The following SCN11A variants were observed in gnomAD, a reference collection of about 807,000 sequenced individuals.
SCN11A encodes the protein sodium channel protein type 11 subunit alpha.
In SCN11A, 122 loss-of-function variants were observed where a neutral mutation model predicts 162.2. That is an observed-to-expected ratio of 0.75 (90% CI 0.65 to 0.87). The LOEUF (loss-of-function observed/expected upper bound fraction) is 0.87. Among genes scored for constraint, SCN11A ranks in the 40% least tolerant of loss-of-function variants. The pLI is 0.00. For synonymous variants in SCN11A, 758 were observed against 751.5 expected, an observed-to-expected ratio of 1.01 and a Z score of -0.14; for missense variants, 2,015 against 2,181.6, an observed-to-expected ratio of 0.92 and a Z score of 1.52.
chr3:38,997,462 C>T (rs1344725955), intron 2 of SCN11A, among the ~76,000 whole-genome samples: 2 of 152,232 alleles, frequency 1.3e-5, no homozygotes, highest in East Asian at 3.8e-4. Flanking sequence ...AAATTATAAT[C>T]CACAAAGAAA....
chr3:38,947,408 GCT>G (rs747664035), intron 5 of SCN11A, among the ~76,000 whole-genome samples: 4 of 152,140 alleles, frequency 2.6e-5, no homozygotes, highest in Non-Finnish European at 4.4e-5. Flanking sequence ...TCCTGGATTT[GCT>G]CTTTCTTTAC....
chr3:38,953,152 C>G (rs1416152872), intron 4 of SCN11A, among the ~76,000 whole-genome samples: 1 of 151,970 alleles, frequency 6.6e-6, no homozygotes, highest in Non-Finnish European at 1.5e-5. Flanking sequence ...CAAACTAACT[C>G]AGGAACAGGA....
chr3:39,049,582 G>A (rs886284316), intron 1 of SCN11A, among the ~76,000 whole-genome samples: 2 of 152,190 alleles, frequency 1.3e-5, no homozygotes, highest in Non-Finnish European at 2.9e-5. Context: ...CAGAGCATGG[G>A]GTATTGGTCA....
In SCN11A at chr3:38,984,987, G is replaced by A. The variant is rs572922903; in HGVS notation, c.-279-24564C>T. On this transcript the variant is annotated intron_variant, in intron 2 of 29. Transcript: ENST00000302328. ...GCATAGTAGGAGATGAGGCAGAGATGTAGGCAGGGGCTGGATTATGTATGG... is the reference window on the plus strand; with the variant it reads ...GCATAGTAGGAGATGAGGCAGAGATATAGGCAGGGGCTGGATTATGTATGG... Among the ~76,000 whole-genome samples, 61 of 151,272 alleles carry A rather than the reference G, an allele frequency of 4.0e-4. 1 individual carries two copies. The highest frequency in any genetic ancestry group is 5.2e-4 in the Admixed American group (8 of 15,276).
chr3:38,887,107 C>T (rs893190173), intron 19 of SCN11A, among the ~76,000 whole-genome samples: 23 of 152,238 alleles, frequency 1.5e-4, no homozygotes, highest in African/African-American at 3.9e-4. Context: ...TTTTTAAGTA[C>T]ACGCCATGTT....
intron 2 of SCN11A, among the ~76,000 whole-genome samples, chr3:38,978,830 G>C (rs987090429): frequency 1.3e-5 from 2 of 152,076 alleles, no homozygotes; most frequent in African/African-American, 4.8e-5. Context: ...TCTCTGCCTT[G>C]CCCTTCCACA....
At chr3:38,862,179 A>G (rs978020653) in intron 28 of SCN11A, among the ~76,000 whole-genome samples, 1 of 152,206 alleles carries the variant, frequency 6.6e-6, no homozygotes, top group African/African-American at 2.4e-5. Flanking sequence ...AATTAAAACC[A>G]CAATGGGATG....
At chr3:38,852,551 C>T (rs2064800143) in intron 28 of SCN11A, among the ~76,000 whole-genome samples, 1 of 152,088 alleles carries the variant, frequency 6.6e-6, no homozygotes, top group Admixed American at 6.6e-5. Flanking sequence ...ACTCCTATAC[C>T]TCAGTATGAA....
intron 2 of SCN11A, among the ~76,000 whole-genome samples, chr3:38,981,570 T>TGTGTGTGTGTGTG (rs2030060172): frequency 1.3e-5 from 2 of 151,418 alleles, no homozygotes; most frequent in Non-Finnish European, 1.5e-5. Flanking sequence ...TGTGTGTGTA[T>TGTGTGTGTGTGTG]TCCTCATCCG....
At chr3:39,034,265 G>T (rs1237394354) in intron 1 of SCN11A, among the ~76,000 whole-genome samples, 1 of 152,118 alleles carries the variant, frequency 6.6e-6, no homozygotes, top group African/African-American at 2.4e-5. Flanking sequence ...TGACCAAGTG[G>T]AATTCAGCCC....
intron 1 of SCN11A, among the ~76,000 whole-genome samples, chr3:39,036,577 C>T (rs551155185): frequency 2.3e-4 from 35 of 152,008 alleles, no homozygotes; most frequent in East Asian, 3.9e-4. Flanking sequence ...ATACATAGAA[C>T]GGGAAAAAAT....
chr3:38,967,332 T>A (rs1348375733), intron 2 of SCN11A, among the ~76,000 whole-genome samples: 1 of 152,226 alleles, frequency 6.6e-6, no homozygotes, highest in Non-Finnish European at 1.5e-5. Context: ...GCAAGTTTTG[T>A]CTTGCTGTCT....
rs1316476025 is a variant in SCN11A, at chr3:38,896,932, A to G, written c.2316T>C (p.Asn772=). The G allele has an allele frequency of 2.5e-6, 4 of 1,613,642 alleles. No homozygotes were observed. The highest frequency in any genetic ancestry group is 3.4e-6 in the Non-Finnish European group (4 of 1,179,988). Residue 772 remains asparagine, a synonymous_variant, in exon 18 of 30, where the codon AAT becomes AAC. Coordinates refer to ENST00000302328, the MANE Select transcript of SCN11A (RefSeq NM_001349253.2). ...TCGCTTCTTGCATACATTCCCACAT[A>G]TTTTCGATCCATTCCCCGCAGAGGA... is the stretch of plus-strand genomic sequence containing the variant. The part of the protein sequence containing the change: ...FRILCGEWIE[N]MWECMQEANA...
intron 2 of SCN11A, among the ~76,000 whole-genome samples, chr3:38,963,352 G>GATATAT (rs377651422): frequency 0.027 from 1,027 of 38,124 alleles, 66 homozygotes; most frequent in Non-Finnish European, 0.04. Flanking sequence ...CTATTTGATG[G>GATATAT]ATATATATAT....
At chr3:38,963,424 G>GATATATATATATATATATATGATGGAGAT (rs1559558358) in intron 2 of SCN11A, among the ~76,000 whole-genome samples, 3 of 61,444 alleles carry the variant, frequency 4.9e-5, no homozygotes, top group African/African-American at 2.5e-4. Context: ...ATATGATGGA[G>GATATATATATATATATATATGATGGAGAT]ATATATATAT....
intron 2 of SCN11A, among the ~76,000 whole-genome samples, chr3:38,997,948 AC>A (rs1294292503): frequency 6.6e-6 from 1 of 152,234 alleles, no homozygotes; most frequent in Non-Finnish European, 1.5e-5. Flanking sequence ...GAAGGTGCAT[AC>A]TGATAGGAGA....
Position 38,846,858 on chromosome 3 carries a change from C to A in SCN11A, c.5212G>T (p.Ala1738Ser), listed in dbSNP as rs768077296. The A allele has an allele frequency of 5.0e-6, 8 of 1,613,992 alleles. No homozygotes were observed. Among genetic ancestry groups the A allele is most frequent in the Non-Finnish European group, 5.9e-6 (7 of 1,180,026 alleles). Reference sequence around the variant, plus strand: ...TTTCGAAAGGCCTTTTGAATAATAGCAGCACCTCTTTCCTCTTCCTTTCTC... The same window carrying A: ...TTTCGAAAGGCCTTTTGAATAATAGAAGCACCTCTTTCCTCTTCCTTTCTC... Reference protein sequence around the residue: ...TKRKEEERGAAIIQKAFRKYM... With the variant: ...TKRKEEERGASIIQKAFRKYM... Residue 1738 changes from alanine (A) to serine (S), a missense_variant, in exon 30 of 30, where the codon GCT becomes TCT. Transcript: ENST00000302328.
chr3:38,977,603 C>T (rs145780585), intron 2 of SCN11A, among the ~76,000 whole-genome samples: 590 of 152,310 alleles, frequency 3.9e-3, no homozygotes, highest in Non-Finnish European at 6.2e-3. Flanking sequence ...GATCACACCT[C>T]TTTGCTCTGC....
chr3:38,930,022 C>T lies in SCN11A; in HGVS notation c.489-3091G>A, dbSNP rs780762680. On this transcript the variant is annotated intron_variant, in intron 7 of 29. Transcript: ENST00000302328. Reference sequence around the variant, plus strand: ...CTAAGATAATTCTCTAATTTATTTCCCTTTTTATCTGCTGTCTCAAAAAAA... The same window carrying T: ...CTAAGATAATTCTCTAATTTATTTCTCTTTTTATCTGCTGTCTCAAAAAAA... Among the ~76,000 whole-genome samples, 5 of 152,238 alleles carry T rather than the reference C, an allele frequency of 3.3e-5. No homozygotes were observed. In the South Asian group the frequency reaches 6.2e-4, roughly 19 times the overall value.
Sources: gnomAD v4.1 joint callset for allele counts (sites outside exome capture counted in the v4.1 genomes callset) on GRCh38, gnomAD v4.1.1 for gene constraint, MANE v1.5 for transcripts, NCBI Gene and HGNC (gene_info 2026-07-23, HGNC 2026-07-21) for gene names.